CDH9: variants seen among roughly 807,000 people sequenced by gnomAD.
The protein encoded by CDH9 is cadherin 9.
CDH9 carries 28 observed loss-of-function variants against 70.9 expected under a neutral mutation model. That is an observed-to-expected ratio of 0.40 (90% CI 0.29 to 0.54). The LOEUF (loss-of-function observed/expected upper bound fraction) is 0.54. Among genes scored for constraint, CDH9 ranks in the 20% least tolerant of loss-of-function variants. CDH9 has a pLI of 0.59. For synonymous variants in CDH9, 409 were observed against 343.1 expected (o/e 1.19, Z -2.12); for missense variants, 874 against 984.4 (o/e 0.89, Z 1.50).
chr5:26,892,760 T>G (rs2111975807), intron 7 of CDH9, among the ~76,000 whole-genome samples: 1 of 152,294 alleles, frequency 6.6e-6, no homozygotes, highest in African/African-American at 2.4e-5. Flanking sequence ...AGACTGAGTC[T>G]CACTCTCTCG....
chr5:26,967,096 C>T (rs368786321), intron 2 of CDH9, among the ~76,000 whole-genome samples: 206 of 151,944 alleles, frequency 1.4e-3, no homozygotes, highest in African/African-American at 4.1e-3. Context: ...CCACGCCTGG[C>T]TAATTTTTTA....
intron 1 of CDH9, among the ~76,000 whole-genome samples, chr5:27,003,808 G>GA (rs1375376837): frequency 6.6e-6 from 1 of 151,726 alleles, no homozygotes; most frequent in South Asian, 2.1e-4. Context: ...AATCTTAGAA[G>GA]AAAAAACATA....
intron 1 of CDH9, among the ~76,000 whole-genome samples, chr5:26,990,853 G>C (rs978542273): frequency 2.6e-4 from 39 of 152,188 alleles, no homozygotes; most frequent in African/African-American, 8.7e-4. Context: ...AGAAATCAAA[G>C]GGTATTCTCC....
At chr5:27,016,090 T>G (rs1302377231) in intron 1 of CDH9, among the ~76,000 whole-genome samples, 1 of 151,788 alleles carries the variant, frequency 6.6e-6, no homozygotes. Flanking sequence ...TAATCACTAC[T>G]TTTGAACAGC....
At chr5:26,890,016 T>A in intron 8 of CDH9, 59 bp from the exon 9 acceptor site, 3 of 1,533,990 alleles carry the variant, frequency 2.0e-6, no homozygotes, top group African/African-American at 2.8e-5. Flanking sequence ...GTGAAACCAC[T>A]CACCCATTTG....
chr5:26,973,879 C>T (rs1012092890), intron 2 of CDH9, among the ~76,000 whole-genome samples: 1 of 152,120 alleles, frequency 6.6e-6, no homozygotes, highest in Non-Finnish European at 1.5e-5. Flanking sequence ...AATTATCTTG[C>T]ATAGTATGTT....
chr5:27,018,569 C>T (rs1313308232), intron 1 of CDH9, among the ~76,000 whole-genome samples: 1 of 151,806 alleles, frequency 6.6e-6, no homozygotes, highest in East Asian at 1.9e-4. Context: ...TGGTCCTACG[C>T]TTTTTAATGG....
At chr5:26,951,809 A>G (rs958678244) in intron 2 of CDH9, among the ~76,000 whole-genome samples, 2 of 152,136 alleles carry the variant, frequency 1.3e-5, no homozygotes, top group African/African-American at 2.4e-5. Context: ...ACAGTTATTT[A>G]TAATTTAATC....
At chr5:26,910,105 C>T (rs1741022973) in intron 3 of CDH9, among the ~76,000 whole-genome samples, 5 of 151,920 alleles carry the variant, frequency 3.3e-5, no homozygotes, top group Admixed American at 3.3e-4. Flanking sequence ...AAAGAAAAAA[C>T]ATCCCTCTAT....
chr5:26,963,330 T>C lies in CDH9; in HGVS notation c.228+24776A>G, dbSNP rs143614434. ...TCTAATCCCCTTTGAGGTGCGAAAT[T>C]GGACTAGTTTTTAGTTGATTTTGTG... On this transcript the variant is annotated intron_variant, in intron 2 of 11. Transcript: ENST00000231021. Among the ~76,000 whole-genome samples the C allele has an allele frequency of 3.3e-5, 5 of 152,230 alleles. No homozygotes were observed. In the South Asian group the frequency reaches 8.3e-4, roughly 25 times the overall value.
At chr5:26,890,005 A>G (rs1353477270) in intron 8 of CDH9, 48 bp from the exon 9 acceptor site, 1 of 1,581,008 alleles carries the variant, frequency 6.3e-7, no homozygotes, top group Non-Finnish European at 8.6e-7. Context: ...ACACAGAAGC[A>G]GTGAAACCAC....
chr5:26,987,609 T>A (rs1308792070), intron 2 of CDH9, among the ~76,000 whole-genome samples: 2 of 152,070 alleles, frequency 1.3e-5, no homozygotes, highest in Non-Finnish European at 2.9e-5. Context: ...CAGAAGCTTA[T>A]CTTCTTAAAG....
At chr5:26,940,478 GT>G (rs1465385725) in intron 2 of CDH9, among the ~76,000 whole-genome samples, 1 of 152,226 alleles carries the variant, frequency 6.6e-6, no homozygotes, top group East Asian at 1.9e-4. Flanking sequence ...ATTCACAATT[GT>G]TAAAGCTGCT....
intron 2 of CDH9, among the ~76,000 whole-genome samples, chr5:26,951,242 G>C (rs1741838062): frequency 8.4e-6 from 1 of 118,628 alleles, no homozygotes; most frequent in African/African-American, 3.1e-5. Context: ...GCAGTGAGTG[G>C]AGATCCCACC....
intron 2 of CDH9, among the ~76,000 whole-genome samples, chr5:26,923,627 C>G (rs1010150729): frequency 6.6e-6 from 1 of 151,952 alleles, no homozygotes; most frequent in South Asian, 2.1e-4. Context: ...AACATACATT[C>G]TTATTGATAA....
intron 1 of CDH9, among the ~76,000 whole-genome samples, chr5:26,999,423 T>C (rs1433647750): frequency 6.6e-6 from 1 of 152,096 alleles, no homozygotes; most frequent in Non-Finnish European, 1.5e-5. Context: ...ATAATAAATT[T>C]AATGGCAAAT....
chr5:26,887,391 G>A (rs574865571), intron 9 of CDH9, among the ~76,000 whole-genome samples: 2 of 151,048 alleles, frequency 1.3e-5, no homozygotes, highest in South Asian at 4.2e-4. Context: ...TATATTTTAT[G>A]AGGATATACA....
rs1740559864 is a variant in CDH9 at position 26,886,001 on chromosome 5, G to A, written c.1595C>T (p.Thr532Ile). 1 of 1,612,074 alleles carries A rather than the reference G, an allele frequency of 6.2e-7. No homozygotes were observed. Among genetic ancestry groups the A allele is most frequent in the African/African-American group, 1.3e-5 (1 of 74,900 alleles). The change falls in exon 10 of 12, where the codon ACT (threonine) becomes ATT (isoleucine). Residue 532 changes from threonine to isoleucine, a missense_variant. Thr to Ile is a moderately conservative substitution (Grantham distance 89, BLOSUM62 -1). Transcript: ENST00000231021. ...KFFFEPVPEF[T>I]LNPNFTIVDN... is the part of the protein sequence containing the mutation. ...TACAATGGTGAAATTCGGATTGAGAGTAAATTCTGGCACTGGTTCAAAAAA... is the reference window on the plus strand; with the variant it reads ...TACAATGGTGAAATTCGGATTGAGAATAAATTCTGGCACTGGTTCAAAAAA...
chr5:26,953,959 C>T (rs921950924), intron 2 of CDH9, among the ~76,000 whole-genome samples: 4 of 151,658 alleles, frequency 2.6e-5, no homozygotes, highest in Non-Finnish European at 5.9e-5. Flanking sequence ...CACACACACA[C>T]ACATAGATCA....
Sources: allele counts gnomAD v4.1 joint callset (sites outside exome capture counted in the v4.1 genomes callset), GRCh38; gene constraint gnomAD v4.1.1; transcripts MANE v1.5; gene names NCBI Gene and HGNC (gene_info 2026-07-23, HGNC 2026-07-21).